HEMK2: variants seen among roughly 807,000 people sequenced by gnomAD.
HEMK2 encodes methyltransferase HEMK2.
At chr21:28,765,027 T>A in the HEMK2 span, among the ~76,000 whole-genome samples, 1 of 152,068 alleles carries the variant, frequency 6.6e-6, no homozygotes, top group Non-Finnish European at 1.5e-5. Flanking sequence ...CAACTGAGTA[T>A]GATGAAGTTG....
At chr21:28,734,452 T>C in the HEMK2 span, among the ~76,000 whole-genome samples, 13 of 152,350 alleles carry the variant, frequency 8.5e-5, no homozygotes, top group African/African-American at 2.4e-4. Flanking sequence ...ATATTTATAA[T>C]GGTGAAAAGG....
At chr21:28,576,539 AATG>A in the HEMK2 span, among the ~76,000 whole-genome samples, 1 of 152,032 alleles carries the variant, frequency 6.6e-6, no homozygotes, top group African/African-American at 2.4e-5. Context: ...CCATTTTCTT[AATG>A]ATGTCTTTCA....
At chr21:28,877,410 G>GAAGA in the HEMK2 span, among the ~76,000 whole-genome samples, 123,978 of 147,466 alleles carry the variant, frequency 0.84, 52,555 homozygotes, top group South Asian at 0.93. Flanking sequence ...AGAAAAAAAA[G>GAAGA]AAGGAAGGAA....
At chr21:28,703,604 T>G in the HEMK2 span, among the ~76,000 whole-genome samples, 3 of 152,220 alleles carry the variant, frequency 2.0e-5, no homozygotes, top group African/African-American at 7.2e-5. Flanking sequence ...CCTTTATCTA[T>G]GGATAAAGAC....
chr21:28,840,203 G>A, the HEMK2 span, among the ~76,000 whole-genome samples: 1 of 152,078 alleles, frequency 6.6e-6, no homozygotes, highest in African/African-American at 2.4e-5. Flanking sequence ...CTCACCTTAT[G>A]CAAAATCAAC....
chr21:28,709,963 T>C, the HEMK2 span, among the ~76,000 whole-genome samples: 1 of 152,186 alleles, frequency 6.6e-6, no homozygotes, highest in Non-Finnish European at 1.5e-5. Context: ...CTTTTGACCA[T>C]GATACTGCCC....
chr21:28,884,593 T>C, the HEMK2 span, among the ~76,000 whole-genome samples: 1 of 152,214 alleles, frequency 6.6e-6, no homozygotes, highest in Non-Finnish European at 1.5e-5. Flanking sequence ...GGGTAGACTA[T>C]TGTCTGCTAG....
At chr21:28,579,547 AG>A in the HEMK2 span, among the ~76,000 whole-genome samples, 1 of 152,214 alleles carries the variant, frequency 6.6e-6, no homozygotes, top group East Asian at 1.9e-4. Flanking sequence ...AGAAAATAAA[AG>A]TATACTTAAA....
At chr21:28,646,110 TC>T in the HEMK2 span, among the ~76,000 whole-genome samples, 1 of 152,188 alleles carries the variant, frequency 6.6e-6, no homozygotes, top group Admixed American at 6.5e-5. Flanking sequence ...TGATGAAATA[TC>T]TGTGTCTTGA....
At chr21:28,780,608 G>T in the HEMK2 span, among the ~76,000 whole-genome samples, 1 of 152,232 alleles carries the variant, frequency 6.6e-6, no homozygotes, top group African/African-American at 2.4e-5. Context: ...ACCGCGCCCA[G>T]CCAGACAACT....
the HEMK2 span, among the ~76,000 whole-genome samples, chr21:28,781,737 T>A: frequency 6.6e-6 from 1 of 152,204 alleles, no homozygotes; most frequent in South Asian, 2.1e-4. Flanking sequence ...AGAGTTTATA[T>A]TGGGAGTCAT....
the HEMK2 span, among the ~76,000 whole-genome samples, chr21:28,831,570 A>G: frequency 4.1e-5 from 3 of 72,920 alleles, no homozygotes; most frequent in African/African-American, 1.8e-4. Flanking sequence ...AAAGAAGGAA[A>G]GAAAGAAAGA....
chr21:28,587,358 T>C, the HEMK2 span, among the ~76,000 whole-genome samples: 1 of 152,210 alleles, frequency 6.6e-6, no homozygotes, highest in Non-Finnish European at 1.5e-5. Context: ...ATAGTTGTGA[T>C]ATATTTATAT....
At chr21:28,730,937 C>T in the HEMK2 span, among the ~76,000 whole-genome samples, 1 of 152,014 alleles carries the variant, frequency 6.6e-6, no homozygotes, top group Non-Finnish European at 1.5e-5. Context: ...TCAAGCAGTG[C>T]TCTGGGAGGA....
chr21:28,793,790 G>A, the HEMK2 span, among the ~76,000 whole-genome samples: 2 of 152,148 alleles, frequency 1.3e-5, no homozygotes, highest in African/African-American at 4.8e-5. Flanking sequence ...GAAGCACAGA[G>A]AAGAAGAGAA....
At chr21:28,751,359 T>A in the HEMK2 span, among the ~76,000 whole-genome samples, 3 of 152,134 alleles carry the variant, frequency 2.0e-5, no homozygotes, top group Non-Finnish European at 4.4e-5. Context: ...TCCTAAATGA[T>A]CTTGAAAAGA....
chr21:28,775,896 T>C, the HEMK2 span, among the ~76,000 whole-genome samples: 1 of 151,946 alleles, frequency 6.6e-6, no homozygotes, highest in African/African-American at 2.4e-5. Flanking sequence ...TGGAGGATTT[T>C]ATTAAGATGG....
At chr21:28,647,922 C>T in the HEMK2 span, among the ~76,000 whole-genome samples, 575 of 152,306 alleles carry the variant, frequency 3.8e-3, 5 homozygotes, top group Admixed American at 0.01. Context: ...CTACCATGTT[C>T]CTTGAAGCTG....
the HEMK2 span, among the ~76,000 whole-genome samples, chr21:28,584,269 A>C: frequency 6.6e-6 from 1 of 152,228 alleles, no homozygotes; most frequent in East Asian, 1.9e-4. Flanking sequence ...TTATTTTGTA[A>C]GAATTATCAA....
Sources: gnomAD v4.1 joint callset for allele counts (sites outside exome capture counted in the v4.1 genomes callset) on GRCh38, gnomAD v4.1.1 for gene constraint, MANE v1.5 for transcripts, NCBI Gene and HGNC (gene_info 2026-07-23, HGNC 2026-07-21) for gene names.